PRUNE1: variants seen among roughly 807,000 people sequenced by gnomAD.
PRUNE1 encodes the protein exopolyphosphatase PRUNE1.
A neutral mutation model predicts 42.5 loss-of-function variants in PRUNE1; 25 were observed. That is an observed-to-expected ratio of 0.59 (90% CI 0.43 to 0.82). The LOEUF is 0.82. PRUNE1 is among the 40% of genes least tolerant of loss of function. The pLI is 0.00. For synonymous variants in PRUNE1, 203 were observed against 217.1 expected (o/e 0.93, Z 0.57); for missense variants, 443 against 539.3 (o/e 0.82, Z 1.77).
At chr1:151,014,056 T>G (rs983011593) in intron 1 of PRUNE1, among the ~76,000 whole-genome samples, 59 of 152,072 alleles carry the variant, frequency 3.9e-4, no homozygotes, top group African/African-American at 1.3e-3. Flanking sequence ...CTTGGCTCAC[T>G]GCAACCTCCG....
rs186965663 is a variant in PRUNE1 at position 151,020,750 on chromosome 1, G to T, written c.335+2081G>T. 1.5e-3 allele frequency among the ~76,000 whole-genome samples: 229 copies of T among 152,204 alleles called. 1 individual carries two copies. The highest frequency in any genetic ancestry group is 0.013 in the Admixed American group (206 of 15,266). On this transcript the variant is annotated intron_variant, in intron 3 of 7. Coordinates refer to ENST00000271620, the MANE Select transcript of PRUNE1 (RefSeq NM_021222.3). ...TAATCCCAGCACTTTGGGAGGCTGA[G>T]GGGGGCGGATCATGAGGTCAGGAGA...
chr1:151,018,557 A>T lies in PRUNE1; in HGVS notation c.223A>T (p.Lys75Ter). The T allele has an allele frequency of 6.2e-7, 1 of 1,613,978 alleles. No homozygotes were observed. The highest frequency in any genetic ancestry group is 8.5e-7 in the Non-Finnish European group (1 of 1,179,854). ...AGGTGACATTGTCTTCTTTCTTCAG[A>T]AGGTTCATATTCCAGAGAGTATCTT... Reference protein sequence around the residue: ...LRGDIVFFLQKVHIPESILIF... With the variant: ...LRGDIVFFLQ Residue 75 changes from lysine (K) to a stop codon, truncating the protein, a stop_gained, in exon 3 of 8, where the codon AAG (lysine) becomes TAG (stop). Transcript: ENST00000271620. LOFTEE classifies it high-confidence loss of function.
chr1:151,014,355 T>C (rs1041621920), intron 1 of PRUNE1, among the ~76,000 whole-genome samples: 1 of 152,186 alleles, frequency 6.6e-6, no homozygotes, highest in Admixed American at 6.5e-5. Flanking sequence ...TAGGGGCCCT[T>C]TGGGCAGAAC....
Position 151,008,625 on chromosome 1 carries a change from G to C in PRUNE1, c.-8G>C, listed in dbSNP as rs1428428281. ...GACCAGGGGCGACGGCGTACTTTGG[G>C]CTTCATCATGGAGGACTACCTGCAG... On this transcript the variant is annotated 5_prime_UTR_variant, in exon 1 of 8. Coordinates refer to ENST00000271620, the MANE Select transcript of PRUNE1 (RefSeq NM_021222.3). 6.2e-7 allele frequency: 1 copy of C among 1,614,222 alleles called. No individual in the cohort carries two copies.
At chr1:151,029,523 A>G (rs1206637745) in intron 7 of PRUNE1, among the ~76,000 whole-genome samples, 2 of 151,548 alleles carry the variant, frequency 1.3e-5, no homozygotes, top group Admixed American at 1.3e-4. Flanking sequence ...GCCCGCCACC[A>G]CGCCCGGCTA....
chr1:151,023,587 G>A (rs1428400462), intron 3 of PRUNE1, among the ~76,000 whole-genome samples: 1 of 151,780 alleles, frequency 6.6e-6, no homozygotes, highest in Non-Finnish European at 1.5e-5. Context: ...GCCTGGTGGT[G>A]GGCGCCTGTA....
At position 151,009,969 on chromosome 1, in the gene PRUNE1, C is replaced by T. The variant is rs1363831012; in HGVS notation, c.39+1298C>T. On this transcript the variant is annotated intron_variant, in intron 1 of 7. Coordinates refer to ENST00000271620, the MANE Select transcript of PRUNE1 (RefSeq NM_021222.3). ...TAACCCAAATGACTGGTCTCTTCCA[C>T]CATTTGGTAAAGTGCCCTTGGACCT... 2.0e-5 allele frequency among the ~76,000 whole-genome samples: 3 copies of T among 152,314 alleles called. No homozygotes were observed. The East Asian group carries it at 5.8e-4, about 29-fold the overall frequency.
chr1:151,030,957 A>T (rs910942148), intron 7 of PRUNE1, among the ~76,000 whole-genome samples: 13 of 152,136 alleles, frequency 8.5e-5, no homozygotes, highest in African/African-American at 2.7e-4. Flanking sequence ...TGTAAAGCAC[A>T]CTCCTGGAGC....
chr1:151,031,714 C>A (rs2102944162), intron 7 of PRUNE1, among the ~76,000 whole-genome samples: 1 of 152,074 alleles, frequency 6.6e-6, no homozygotes, highest in East Asian at 1.9e-4. Flanking sequence ...TTGTTCAATT[C>A]ATTCTTTCTT....
chr1:151,018,564 A>G lies in PRUNE1; in HGVS notation c.230A>G (p.His77Arg). The change falls in exon 3 of 8, where the codon CAT (histidine) becomes CGT (arginine). Residue 77 changes from histidine (H) to arginine (R), a missense_variant. By Grantham distance (29) the His-to-Arg change is conservative. Coordinates refer to ENST00000271620, the MANE Select transcript of PRUNE1 (RefSeq NM_021222.3). Reference sequence around the variant, plus strand: ...ATTGTCTTCTTTCTTCAGAAGGTTCATATTCCAGAGAGTATCTTGATTTTT... The same window carrying G: ...ATTGTCTTCTTTCTTCAGAAGGTTCGTATTCCAGAGAGTATCTTGATTTTT... ...GDIVFFLQKV[H>R]IPESILIFRD... The G allele has an allele frequency of 6.2e-7, 1 of 1,614,066 alleles. No individual in the cohort carries two copies. The highest frequency in any genetic ancestry group is 8.5e-7 in the Non-Finnish European group (1 of 1,179,900).
At chr1:151,030,045 C>T (rs1419911202) in intron 7 of PRUNE1, among the ~76,000 whole-genome samples, 2 of 151,874 alleles carry the variant, frequency 1.3e-5, no homozygotes, top group African/African-American at 2.4e-5. Context: ...GGGCAGATCA[C>T]GAGAGCAAGA....
chr1:151,021,039 T>TTACTC (rs1198781879), intron 3 of PRUNE1, among the ~76,000 whole-genome samples: 2 of 144,912 alleles, frequency 1.4e-5, no homozygotes, highest in African/African-American at 2.6e-5. Context: ...CCCAGCTACT[T>TTACTC]GGGAGGCTGA....
In PRUNE1 at chr1:151,008,452, C is replaced by T. The variant is rs587760072; in HGVS notation, c.-181C>T. 2.8e-3 allele frequency: 3,003 copies of T among 1,074,578 alleles called. 12 individuals are homozygous for T. Among genetic ancestry groups the T allele is most frequent in the Middle Eastern group, 4.4e-3 (15 of 3,440 alleles). The allele number at this position is 1,074,578 out of a possible 1,614,324, so 66.6% of individuals were successfully genotyped here. A position where few individuals can be genotyped will look rare whatever the true frequency, so the allele number is the denominator to read the frequency against. On this transcript the variant is annotated 5_prime_UTR_variant, in exon 1 of 8. Transcript: ENST00000271620. Reference sequence around the variant, plus strand: ...GGGCGACGCCGGACTCCGGAGCGCCCGCTTACGCAGTTCCTCCCGGGGTCG... The same window carrying T: ...GGGCGACGCCGGACTCCGGAGCGCCTGCTTACGCAGTTCCTCCCGGGGTCG...
At position 151,018,657 on chromosome 1, in the gene PRUNE1, A is replaced by G. The variant is rs1571781651; in HGVS notation, c.323A>G (p.His108Arg). The G allele has an allele frequency of 6.2e-7, 1 of 1,613,942 alleles. No homozygotes were observed. Among genetic ancestry groups the G allele is most frequent in the Non-Finnish European group, 8.5e-7 (1 of 1,179,812 alleles). ...GQLTLILVDH[H>R]ILSKSDTALE... ...CTCACCCTCATCCTTGTCGACCATC[A>G]TATCTTATCCAAGTAAGCACAAGGA... is the stretch of plus-strand genomic sequence containing the variant. Residue 108 changes from histidine (H) to arginine (R), a missense_variant, in exon 3 of 8, where the codon CAT becomes CGT. Coordinates refer to ENST00000271620, the MANE Select transcript of PRUNE1 (RefSeq NM_021222.3).
At chr1:151,020,003 T>C (rs1674321784) in intron 3 of PRUNE1, among the ~76,000 whole-genome samples, 1 of 150,508 alleles carries the variant, frequency 6.6e-6, no homozygotes, top group South Asian at 2.1e-4. Context: ...AGCTAATTTT[T>C]ATATTTTTTA....
chr1:151,027,500 T>C (rs1487722738), intron 6 of PRUNE1, among the ~76,000 whole-genome samples, 173 bp downstream of exon 6: 2 of 152,120 alleles, frequency 1.3e-5, no homozygotes, highest in African/African-American at 4.8e-5. Flanking sequence ...CACCGCTGTA[T>C]TAGCCTCAGT....
intron 2 of PRUNE1, 65 bp from the exon 3 acceptor site, chr1:151,018,402 A>C (rs778871873): frequency 1.1e-5 from 15 of 1,346,312 alleles, no homozygotes; most frequent in Non-Finnish European, 1.6e-5. Flanking sequence ...TGGTCCCAGT[A>C]GTCTTGTTAC....
rs74882073 is a variant in PRUNE1, at chr1:151,009,519, C to T, written c.39+848C>T. Among the ~76,000 whole-genome samples, 1,328 of 152,258 alleles carry T rather than the reference C, an allele frequency of 8.7e-3. 9 individuals carry two copies. The highest frequency in any genetic ancestry group is 0.012 in the Non-Finnish European group (841 of 68,008). ...TCCCCAGTTAGCAGCAAAAAGCTAA[C>T]CAGAGACAGGCTCCAGGAGGTCACC... On this transcript the variant is annotated intron_variant, in intron 1 of 7. Transcript: ENST00000271620.
At chr1:151,017,495 G>C (rs1172438061) in intron 1 of PRUNE1, among the ~76,000 whole-genome samples, 1 of 152,048 alleles carries the variant, frequency 6.6e-6, no homozygotes, top group Non-Finnish European at 1.5e-5. Flanking sequence ...GCTCATACCT[G>C]TTATCCCAGC....
Sources: gnomAD v4.1 joint callset for allele counts (sites outside exome capture counted in the v4.1 genomes callset) on GRCh38, gnomAD v4.1.1 for gene constraint, MANE v1.5 for transcripts, NCBI Gene and HGNC (gene_info 2026-07-23, HGNC 2026-07-21) for gene names.